The following GPATCH2L variants were observed in gnomAD, a reference collection of about 807,000 sequenced individuals.
GPATCH2L encodes the protein G patch domain-containing protein 2-like.
A neutral mutation model predicts 57.4 loss-of-function variants in GPATCH2L; 31 were observed. That is an observed-to-expected ratio of 0.54 (90% CI 0.41 to 0.73). The LOEUF is 0.73. Among genes scored for constraint, GPATCH2L ranks in the 30% least tolerant of loss-of-function variants. GPATCH2L has a pLI of 0.00. For missense variants in GPATCH2L, 481 were observed against 599.9 expected, an observed-to-expected ratio of 0.80 and a Z score of 2.07; for synonymous variants, 199 against 210.7, an observed-to-expected ratio of 0.94 and a Z score of 0.48.
At chr14:76,220,154 C>G (rs1399940894) in intron 1 of GPATCH2L, among the ~76,000 whole-genome samples, 1 of 152,158 alleles carries the variant, frequency 6.6e-6, no homozygotes, top group Non-Finnish European at 1.5e-5. Flanking sequence ...AGTCCTCACA[C>G]AAGGAAGGCA....
At chr14:76,177,938 T>A (rs1013925247) in intron 6 of GPATCH2L, 50 bp from the exon 7 acceptor site, 1 of 1,601,054 alleles carries the variant, frequency 6.2e-7, no homozygotes. Context: ...TCAGGTAAGA[T>A]CATTTTTCTT....
chr14:76,201,635 T>G, intron 9 of GPATCH2L, 56 bp from the exon 10 acceptor site: 7 of 1,376,944 alleles, frequency 5.1e-6, no homozygotes, highest in Non-Finnish European at 6.9e-6. Context: ...CTAATTTGTC[T>G]TATTCTAATT....
chr14:76,166,390 T>G (rs899191114), intron 2 of GPATCH2L, among the ~76,000 whole-genome samples: 3 of 152,232 alleles, frequency 2.0e-5, no homozygotes, highest in African/African-American at 7.2e-5. Flanking sequence ...ATTACGTCTT[T>G]GAGCTTTAAT....
chr14:76,172,162 G>C (rs1208889934), intron 4 of GPATCH2L, 143 bp downstream of exon 4: 1 of 487,520 alleles, frequency 2.1e-6, no homozygotes, highest in Admixed American at 4.0e-5. Flanking sequence ...TTCTAGAGGA[G>C]TCAAAGTAAG....
At chr14:76,153,218 A>G (rs557860348) in intron 1 of GPATCH2L, among the ~76,000 whole-genome samples, 2 of 152,380 alleles carry the variant, frequency 1.3e-5, no homozygotes, top group South Asian at 2.1e-4. Context: ...ATGAATGGGA[A>G]TATGGTCAGA....
intron 9 of GPATCH2L, among the ~76,000 whole-genome samples, chr14:76,197,132 T>C (rs1009013051): frequency 9.2e-5 from 14 of 152,176 alleles, no homozygotes; most frequent in African/African-American, 3.1e-4. Flanking sequence ...ACATGGTTGA[T>C]AAATTGCAGA....
chr14:76,202,392 A>T lies in GPATCH2L; in HGVS notation c.*541A>T, dbSNP rs2139828890. Reference sequence around the variant, plus strand: ...ATCAACCAAGTTTTGGGGCCTCAAAAGAGACACCAGCAACTGGGCCTTGAG... The same window carrying T: ...ATCAACCAAGTTTTGGGGCCTCAAATGAGACACCAGCAACTGGGCCTTGAG... On this transcript the variant is annotated 3_prime_UTR_variant, in exon 10 of 10. Coordinates refer to ENST00000261530, the MANE Select transcript of GPATCH2L (RefSeq NM_017926.4). The T allele has an allele frequency of 6.5e-6, 1 of 152,800 alleles. No homozygotes were observed. Among genetic ancestry groups the T allele is most frequent in the African/African-American group, 2.4e-5 (1 of 41,576 alleles). 9.5% of individuals were successfully genotyped at this position (152,800 alleles called of 1,614,324 possible).
Position 76,154,769 on chromosome 14 carries a change from A to G in GPATCH2L, c.406A>G (p.Thr136Ala), listed in dbSNP as rs2038221117. ...LRRRRKVKRV[T>A]SEVAASLQQK... ...GCGCAGGCGGAAGGTGAAGCGAGTGACATCAGAGGTGGCTGCTAGCCTTCA... is the reference window on the plus strand; with the variant it reads ...GCGCAGGCGGAAGGTGAAGCGAGTGGCATCAGAGGTGGCTGCTAGCCTTCA... The change falls in exon 2 of 10, where the codon ACA becomes GCA. Residue 136 changes from threonine to alanine, a missense_variant. By Grantham distance (58) the Thr-to-Ala change is moderately conservative. Around this residue, in one of 3 missense-constraint regions of GPATCH2L, gnomAD observed 208 missense variants for 272.4 expected, o/e 0.76. Transcript: ENST00000261530. This position sits in a 1 kb window ranked among gnomAD's most constrained non-coding sequence, Gnocchi z 4.4. 6.2e-7 allele frequency: 1 copy of G among 1,614,242 alleles called. No individual in the cohort carries two copies. Among genetic ancestry groups the G allele is most frequent in the East Asian group, 2.2e-5 (1 of 44,892 alleles).
Position 76,170,291 on chromosome 14 carries a change from G to T in GPATCH2L, c.728-1552G>T, listed in dbSNP as rs1054634171. Among the ~76,000 whole-genome samples the T allele has an allele frequency of 5.9e-4, 90 of 152,160 alleles. 1 individual carries two copies. Among genetic ancestry groups the T allele is most frequent in the African/African-American group, 2.1e-3 (85 of 41,434 alleles). ...TGGAATCCAGTGTACATTAGAGACT[G>T]ACTACATTATGAACTCTTTAGATAT... On this transcript the variant is annotated intron_variant, in intron 3 of 9. Transcript: ENST00000261530.
intron 8 of GPATCH2L, among the ~76,000 whole-genome samples, chr14:76,189,989 C>T (rs535838709): frequency 1.6e-4 from 24 of 152,230 alleles, no homozygotes; most frequent in Middle Eastern, 3.4e-3. Context: ...GCTTGCCATT[C>T]GCAGACAGAC....
At chr14:76,171,530 C>A (rs908912995) in intron 3 of GPATCH2L, among the ~76,000 whole-genome samples, 1 of 151,798 alleles carries the variant, frequency 6.6e-6, no homozygotes, top group African/African-American at 2.4e-5. Flanking sequence ...TTACAGTGAA[C>A]CAAGATCACG....
intron 3 of GPATCH2L, among the ~76,000 whole-genome samples, chr14:76,169,903 C>G (rs1167431305): frequency 6.6e-6 from 1 of 152,108 alleles, no homozygotes; most frequent in Non-Finnish European, 1.5e-5. Context: ...AACGTGGTCC[C>G]CAGGCCAGCT....
At chr14:76,234,213 T>C (rs996219156) in intron 2 of GPATCH2L, among the ~76,000 whole-genome samples, 1 of 152,230 alleles carries the variant, frequency 6.6e-6, no homozygotes, top group Non-Finnish European at 1.5e-5. Context: ...TTTAATTCTT[T>C]AATCTATGGA....
rs139949079 is a variant in GPATCH2L at position 76,234,089 on chromosome 14, A to G, written c.*117+4136A>G. ...TGTGCCACTGCACTCCAACCTGGGC[A>G]ACAGAGCAAGAACCTGTCTCTAAAA... On this transcript the variant is annotated intron_variant and NMD_transcript_variant, in intron 2 of 3. Coordinates refer to the GPATCH2L transcript ENST00000556372. Among the ~76,000 whole-genome samples the G allele has an allele frequency of 2.0e-5, 3 of 152,364 alleles. No individual in the cohort carries two copies. The East Asian group carries it at 5.8e-4, about 29-fold the overall frequency.
chr14:76,184,045 T>G (rs1183122872), intron 8 of GPATCH2L, among the ~76,000 whole-genome samples: 2 of 151,938 alleles, frequency 1.3e-5, no homozygotes, highest in African/African-American at 4.8e-5. Flanking sequence ...TGTGTGTGTG[T>G]GTGTGTGTGT....
At chr14:76,178,708 G>A in intron 7 of GPATCH2L, 1 of 152,530 alleles carries the variant, frequency 6.6e-6, no homozygotes, top group East Asian at 1.9e-4. Flanking sequence ...AATCTAATGT[G>A]GCTGTTGATC....
At position 76,208,285 on chromosome 14, in the gene GPATCH2L, C is replaced by T. The variant is rs2040401419; in HGVS notation, c.*6434C>T. The T allele has an allele frequency of 3.3e-5, 5 of 152,108 alleles. No homozygotes were observed. The highest frequency in any genetic ancestry group is 3.3e-4 in the Admixed American group (5 of 15,276). The allele number at this position is 152,108 out of a possible 1,614,324, so 9.4% of individuals were successfully genotyped here. A position where few individuals can be genotyped will look rare whatever the true frequency, so the allele number is the denominator to read the frequency against. On this transcript the variant is annotated 3_prime_UTR_variant, in exon 10 of 10. Transcript: ENST00000261530. The stretch of plus-strand genomic sequence containing the variant: ...TTAAAGATGGCCTTCGTGACTTTGA[C>T]TCAAAATCAATGCATTTCATTATGT...
intron 2 of GPATCH2L, among the ~76,000 whole-genome samples, chr14:76,230,754 T>C (rs74067677): frequency 6.6e-6 from 1 of 152,222 alleles, no homozygotes; most frequent in Non-Finnish European, 1.5e-5. Flanking sequence ...TGGAAAGCAA[T>C]TCTTCGAAGT....
chr14:76,189,462 C>T (rs904623277), intron 8 of GPATCH2L, among the ~76,000 whole-genome samples: 1 of 151,454 alleles, frequency 6.6e-6, no homozygotes, highest in African/African-American at 2.4e-5. Flanking sequence ...TATTTGTGGC[C>T]ACTATAAATG....
Sources: allele counts gnomAD v4.1 joint callset (sites outside exome capture counted in the v4.1 genomes callset), GRCh38; gene constraint gnomAD v4.1.1; regional missense constraint gnomAD v4.1.1; non-coding constraint Gnocchi (gnomAD v3.1); transcripts MANE v1.5; gene names NCBI Gene and HGNC (gene_info 2026-07-23, HGNC 2026-07-21).